The following ADCY1 variants were observed in gnomAD, a reference collection of about 807,000 sequenced individuals.
ADCY1 encodes adenylate cyclase type 1.
ADCY1 carries 28 observed loss-of-function variants against 105.4 expected under a neutral mutation model. That is an observed-to-expected ratio of 0.27 (90% CI 0.20 to 0.36). The LOEUF (loss-of-function observed/expected upper bound fraction) is 0.36, where lower values mean the gene tolerates loss of function less well. Among genes scored for constraint, ADCY1 ranks in the 10% least tolerant of loss-of-function variants. The pLI is 1.00. For synonymous variants in ADCY1, 655 were observed against 623.8 expected, an observed-to-expected ratio of 1.05 and a Z score of -0.75; for missense variants, 977 against 1,434.2, an observed-to-expected ratio of 0.68 and a Z score of 5.15.
Position 45,685,085 on chromosome 7 carries a change from T to A in ADCY1, c.2073+17T>A. On this transcript the variant is annotated intron_variant, in intron 12 of 19. Coordinates refer to ENST00000297323, the MANE Select transcript of ADCY1 (RefSeq NM_021116.4). Reference sequence around the variant, plus strand: ...GGTTGTGTGGTGAGCATCTCCAGCTTGTGGCATGCGCTGGGGCGGGAGAGG... The same window carrying A: ...GGTTGTGTGGTGAGCATCTCCAGCTAGTGGCATGCGCTGGGGCGGGAGAGG... 1 of 1,608,212 alleles carries A rather than the reference T, an allele frequency of 6.2e-7. No homozygotes were observed. Among genetic ancestry groups the A allele is most frequent in the South Asian group, 1.1e-5 (1 of 90,934 alleles).
chr7:45,686,059 G>T lies in ADCY1; in HGVS notation c.2171G>T (p.Cys724Phe), dbSNP rs771900071. ...CGCACAGCCCTGCCCACCCTGCCCT[G>T]CGAGTCTACACACCATGCCCTGCTC... ...GQRTALPTLPCESTHHALLCC... is the reference protein window; with the variant it reads ...GQRTALPTLPFESTHHALLCC... Residue 724 changes from cysteine to phenylalanine, a missense_variant, in exon 13 of 20, where the codon TGC becomes TTC. By Grantham distance (205) the Cys-to-Phe change is radical (BLOSUM62 -2). Transcript: ENST00000297323. This position sits in a 1 kb window ranked among gnomAD's most constrained non-coding sequence, Gnocchi z 4.3. The T allele has an allele frequency of 6.2e-7, 1 of 1,611,834 alleles. No individual in the cohort carries two copies.
chr7:45,676,946 C>CT (rs1329447052), intron 8 of ADCY1, among the ~76,000 whole-genome samples: 3 of 150,334 alleles, frequency 2.0e-5, no homozygotes, highest in South Asian at 2.1e-4. Flanking sequence ...AAACAACAGG[C>CT]TTTTTTGTAG....
At chr7:45,600,670 T>G (rs1373942901) in intron 2 of ADCY1, among the ~76,000 whole-genome samples, 1 of 152,172 alleles carries the variant, frequency 6.6e-6, no homozygotes, top group Non-Finnish European at 1.5e-5. Flanking sequence ...ACAAGAGAAA[T>G]GTATTTCCTC....
rs550688414 is a variant in ADCY1 at position 45,583,726 on chromosome 7, C to T, written c.639+8544C>T. Among the ~76,000 whole-genome samples the T allele has an allele frequency of 2.6e-5, 4 of 151,970 alleles. No homozygotes were observed. In the South Asian group the frequency reaches 8.3e-4, roughly 32 times the overall value. On this transcript the variant is annotated intron_variant, in intron 1 of 19. Coordinates refer to ENST00000297323, the MANE Select transcript of ADCY1 (RefSeq NM_021116.4). ...CGCTGTCTCGGCTCACCACAACCTC[C>T]GAGTCCCAGGTTCAAGCGATTCTCC...
At chr7:45,632,143 T>G (rs1374310398) in intron 4 of ADCY1, among the ~76,000 whole-genome samples, 1 of 152,242 alleles carries the variant, frequency 6.6e-6, no homozygotes, top group Non-Finnish European at 1.5e-5. Flanking sequence ...TGAATGTATT[T>G]CTGGATTTTA....
rs1350413080 is a variant in ADCY1 at position 45,686,628 on chromosome 7, G to A, written c.2409G>A (p.Arg803=). 1 of 1,613,468 alleles carries A rather than the reference G, an allele frequency of 6.2e-7. No individual in the cohort carries two copies. Among genetic ancestry groups the A allele is most frequent in the African/African-American group, 1.3e-5 (1 of 75,056 alleles). The change falls in exon 14 of 20, where the codon AGG becomes AGA. Residue 803 remains arginine (R), a synonymous_variant. Coordinates refer to ENST00000297323, the MANE Select transcript of ADCY1 (RefSeq NM_021116.4). This position sits in a 1 kb window ranked among gnomAD's most constrained non-coding sequence, Gnocchi z 4.3. ...CCTGTGCGCTGGCCCTGCATGCCAG[G>A]CAGGTGGACATCAGGCTGAGGCTGG... is the stretch of plus-strand genomic sequence containing the variant. ...LFSCALALHA[R]QVDIRLRLDY...
chr7:45,681,179 T>C (rs1402125665), intron 11 of ADCY1, among the ~76,000 whole-genome samples: 4 of 152,238 alleles, frequency 2.6e-5, no homozygotes, highest in Non-Finnish European at 5.9e-5. Context: ...AAAAAACACA[T>C]GATCTGTGGG....
rs749480692 is a variant in ADCY1, at chr7:45,657,830, G to A, written c.1252G>A (p.Val418Met). 6.8e-6 allele frequency: 11 copies of A among 1,607,598 alleles called. No homozygotes were observed. The highest frequency in any genetic ancestry group is 1.7e-5 in the Admixed American group (1 of 59,760). The change falls in exon 6 of 20, where the codon GTG becomes ATG. Residue 418 changes from valine (V) to methionine (M), a missense_variant. By Grantham distance (21) the Val-to-Met change is conservative. This residue lies in a region of ADCY1 where 1 missense variants were observed against 21.0 expected (regional missense o/e 0.05). Coordinates refer to ENST00000297323, the MANE Select transcript of ADCY1 (RefSeq NM_021116.4). ...GGGCTTGCGCAAGTGGCAGTACGAC[G>A]TGTGGTCCAATGATGTGACCTTGGC... The part of the protein sequence containing the change: ...VLGLRKWQYD[V>M]WSNDVTLANV...
upstream of ADCY1, chr7:45,574,292 C>G (rs1445838170): frequency 3.5e-5 from 10 of 289,246 alleles, no homozygotes; most frequent in Non-Finnish European, 5.1e-5. This position sits in a 1 kb window ranked among gnomAD's most constrained non-coding sequence, Gnocchi z 7.0. Context: ...GCTCGGCTGT[C>G]GCAGCGCGGT....
In ADCY1 at chr7:45,591,646, G is replaced by A. The variant is rs1792919960; in HGVS notation, c.640-1113G>A. 6.6e-6 allele frequency among the ~76,000 whole-genome samples: 1 copy of A among 152,250 alleles called. No individual in the cohort carries two copies. The highest frequency in any genetic ancestry group is 1.5e-5 in the Non-Finnish European group (1 of 68,048). On this transcript the variant is annotated intron_variant, in intron 1 of 19. Transcript: ENST00000297323. This position sits in a 1 kb window ranked among gnomAD's most constrained non-coding sequence, Gnocchi z 4.1. ...TTTCATACAATACTTACAAACTGCA[G>A]CCCCTCTTCAGGGCCTCTGGCAGGA...
chr7:45,714,117 G>A lies in ADCY1; in HGVS notation c.*122G>A, dbSNP rs1275719663. On this transcript the variant is annotated 3_prime_UTR_variant, in exon 20 of 20. Coordinates refer to ENST00000297323, the MANE Select transcript of ADCY1 (RefSeq NM_021116.4). ...AGAGCAGGGAGCCACTTGCCAGGGT[G>A]GAGGAGGAGCATTGTCCAGGCATGG... The A allele has an allele frequency of 6.5e-6, 4 of 612,200 alleles. No homozygotes were observed. Among genetic ancestry groups the A allele is most frequent in the African/African-American group, 5.5e-5 (3 of 54,278 alleles). 37.9% of individuals were successfully genotyped at this position (612,200 alleles called of 1,614,324 possible).
At chr7:45,618,280 A>G (rs536475891) in intron 3 of ADCY1, among the ~76,000 whole-genome samples, 1 of 152,346 alleles carries the variant, frequency 6.6e-6, no homozygotes, top group East Asian at 1.9e-4. Flanking sequence ...TTTCTGGAAG[A>G]AAACATAGTG....
intron 1 of ADCY1, among the ~76,000 whole-genome samples, chr7:45,576,697 A>AC (rs976342312): frequency 6.6e-6 from 1 of 151,518 alleles, no homozygotes; most frequent in South Asian, 2.1e-4. Flanking sequence ...TACTGCCTCC[A>AC]CCCCCCATCT....
At chr7:45,612,579 G>A (rs565601181) in intron 3 of ADCY1, among the ~76,000 whole-genome samples, 79 of 152,268 alleles carry the variant, frequency 5.2e-4, no homozygotes, top group Non-Finnish European at 7.4e-5. Context: ...CATACTGCAG[G>A]AAAGGCATCA....
intron 2 of ADCY1, among the ~76,000 whole-genome samples, chr7:45,604,507 G>A (rs1793324237): frequency 6.6e-6 from 1 of 152,020 alleles, no homozygotes. Flanking sequence ...TTTGCATAAG[G>A]TATGAGGTTT....
rs1413239460 is a variant in ADCY1 at position 45,696,456 on chromosome 7, A to T, written c.2455-6920A>T. Among the ~76,000 whole-genome samples, 4 of 151,800 alleles carry T rather than the reference A, an allele frequency of 2.6e-5. No individual in the cohort carries two copies. In the South Asian group the frequency reaches 8.3e-4, roughly 32 times the overall value. ...TCCATCTCAAAAAAAAAAAAAAAAAAAAAAGGAAAAGAAAAATCCAGATTT... is the reference window on the plus strand; with the variant it reads ...TCCATCTCAAAAAAAAAAAAAAAAATAAAAGGAAAAGAAAAATCCAGATTT... On this transcript the variant is annotated intron_variant, in intron 14 of 19. Coordinates refer to ENST00000297323, the MANE Select transcript of ADCY1 (RefSeq NM_021116.4).
intron 1 of ADCY1, among the ~76,000 whole-genome samples, chr7:45,592,127 A>T (rs1239649710): frequency 1.3e-5 from 2 of 149,504 alleles, no homozygotes; most frequent in African/African-American, 5.0e-5. Context: ...GGGAACAGCC[A>T]CTCTACACAT....
intron 4 of ADCY1, among the ~76,000 whole-genome samples, chr7:45,633,028 C>T (rs958391168): frequency 6.6e-6 from 1 of 152,138 alleles, no homozygotes; most frequent in African/African-American, 2.4e-5. Flanking sequence ...AGTGATTCTC[C>T]TACCTCAGCC....
At chr7:45,633,519 C>T (rs1463984566) in intron 4 of ADCY1, among the ~76,000 whole-genome samples, 1 of 152,048 alleles carries the variant, frequency 6.6e-6, no homozygotes, top group African/African-American at 2.4e-5. Flanking sequence ...CCTTTAATAG[C>T]AAGGCCCGGC....
Sources: allele counts gnomAD v4.1 joint callset (sites outside exome capture counted in the v4.1 genomes callset), GRCh38; gene constraint gnomAD v4.1.1; regional missense constraint gnomAD v4.1.1; non-coding constraint Gnocchi (gnomAD v3.1); transcripts MANE v1.5; gene names NCBI Gene and HGNC (gene_info 2026-07-23, HGNC 2026-07-21).